ABLIM1: variants seen among roughly 807,000 people sequenced by gnomAD.
ABLIM1 encodes actin binding LIM protein 1.
Under a neutral mutation model 107.0 loss-of-function variants are expected in ABLIM1, and 40 were observed. The observed-to-expected ratio is 0.37, with a 90% CI of 0.29 to 0.49. ABLIM1 has a LOEUF of 0.49. ABLIM1 is among the 20% of genes least tolerant of loss of function. The pLI, the probability that ABLIM1 is intolerant of heterozygous loss-of-function variation, is 0.97. For missense variants in ABLIM1, 857 were observed against 1,008.5 expected (o/e 0.85, Z 2.04); for synonymous variants, 357 against 357.3 (o/e 1.00, Z 0.01).
upstream of ABLIM1, among the ~76,000 whole-genome samples, chr10:114,689,373 T>TG (rs1010826174): frequency 6.6e-6 from 1 of 150,594 alleles, no homozygotes; most frequent in African/African-American, 2.4e-5. Flanking sequence ...GGTTTTTTTT[T>TG]TTTTTTTTGA....
In ABLIM1 at chr10:114,465,762, A is replaced by G. The variant is rs537849680; in HGVS notation, c.1377T>C (p.Pro459=). The change falls in exon 12 of 23, where the codon CCT becomes CCC. Residue 459 remains proline, a synonymous_variant. Coordinates refer to ENST00000533213, the MANE Select transcript of ABLIM1 (RefSeq NM_002313.7). The stretch of plus-strand genomic sequence containing the variant: ...GAGTGTAGCTGTGGCGGCTGTACAC[A>G]GGGGAGTTGATGGAGCCCTGGCTCG... ...RSTSQGSINS[P]VYSRHSYTPT... is the part of the protein sequence containing the mutation. 5.0e-6 allele frequency: 8 copies of G among 1,614,112 alleles called. No homozygotes were observed. Among genetic ancestry groups the G allele is most frequent in the African/African-American group, 2.7e-5 (2 of 75,022 alleles).
intron 1 of ABLIM1, among the ~76,000 whole-genome samples, chr10:114,722,006 A>G (rs575080439): frequency 2.6e-5 from 4 of 152,316 alleles, no homozygotes; most frequent in African/African-American, 7.2e-5. Context: ...GTATATGTGA[A>G]TATGACATGG....
intron 1 of ABLIM1, among the ~76,000 whole-genome samples, chr10:114,718,032 A>AAGGAAGGAAG (rs753398691): frequency 2.2e-5 from 2 of 93,004 alleles, no homozygotes; most frequent in South Asian, 3.6e-4. Flanking sequence ...GGAAGGAAGG[A>AAGGAAGGAAG]GAAAGAGAAA....
intron 6 of ABLIM1, among the ~76,000 whole-genome samples, chr10:114,521,343 T>C (rs905052288): frequency 3.9e-5 from 6 of 152,256 alleles, no homozygotes; most frequent in African/African-American, 1.2e-4. Context: ...ATGAGAGTCA[T>C]ACTCAAGCCA....
intron 2 of ABLIM1, among the ~76,000 whole-genome samples, chr10:114,598,801 C>T (rs1307648542): frequency 1.3e-5 from 2 of 151,818 alleles, no homozygotes; most frequent in Non-Finnish European, 2.9e-5. Flanking sequence ...TTCAATATGG[C>T]TATCAGAATA....
At chr10:114,632,033 C>G in intron 1 of ABLIM1, 1 of 1,273,016 alleles carries the variant, frequency 7.9e-7, no homozygotes, top group Non-Finnish European at 1.0e-6. Flanking sequence ...GGAGAAGCCC[C>G]GGCATCCGCT....
chr10:114,723,564 T>C (rs1336349039), intron 1 of ABLIM1, among the ~76,000 whole-genome samples: 1 of 152,224 alleles, frequency 6.6e-6, no homozygotes. Context: ...TTGCAAAATG[T>C]CACCAACCTA....
In ABLIM1 at chr10:114,658,156, G is replaced by A; in HGVS notation, c.45C>T (p.Ser15=). 6.2e-7 allele frequency: 1 copy of A among 1,613,870 alleles called. No individual in the cohort carries two copies. The highest frequency in any genetic ancestry group is 8.5e-7 in the Non-Finnish European group (1 of 1,179,774). Reference sequence around the variant, plus strand: ...ATGAGGTGACTTTGCTTTTCTCAGAGCTGCACAATTTCCCCAGACACTTTA... The same window carrying A: ...ATGAGGTGACTTTGCTTTTCTCAGAACTGCACAATTTCCCCAGACACTTTA... The part of the protein sequence containing the change: ...LGLKCLGKLC[S]SEKSKVTSSE... Residue 15 remains serine (S), a synonymous_variant, in exon 1 of 23, where the codon AGC becomes AGT. Coordinates refer to ENST00000533213, the MANE Select transcript of ABLIM1 (RefSeq NM_002313.7).
chr10:114,583,456 CACACACACACACATAT>C (rs2073769943), intron 2 of ABLIM1, among the ~76,000 whole-genome samples: 1 of 13,542 alleles, frequency 7.4e-5, no homozygotes, highest in Non-Finnish European at 1.5e-4. Context: ...CACACACACA[CACACACACACACATAT>C]ATATATATAT....
chr10:114,613,945 G>C (rs1416630387), intron 1 of ABLIM1, among the ~76,000 whole-genome samples: 1 of 152,060 alleles, frequency 6.6e-6, no homozygotes, highest in Non-Finnish European at 1.5e-5. Context: ...GCATAACCCT[G>C]GTGGTTGATC....
chr10:114,665,129 A>G (rs1004157478), intron 1 of ABLIM1, among the ~76,000 whole-genome samples: 6 of 152,004 alleles, frequency 3.9e-5, no homozygotes, highest in Admixed American at 2.0e-4. Flanking sequence ...AAAAAAAAAA[A>G]AGTTCCAGAA....
chr10:114,630,237 A>G (rs184058086), intron 1 of ABLIM1, among the ~76,000 whole-genome samples: 1 of 152,166 alleles, frequency 6.6e-6, no homozygotes, highest in Non-Finnish European at 1.5e-5. Flanking sequence ...CTTTCCCATC[A>G]CTCATAAATT....
chr10:114,632,428 T>C, intron 1 of ABLIM1: 1 of 985,388 alleles, frequency 1.0e-6, no homozygotes, highest in Non-Finnish European at 1.2e-6. Flanking sequence ...CCTGTTACAG[T>C]CGCTTTCAAT....
At chr10:114,699,104 CAAA>C (rs11344931) in intron 1 of ABLIM1, among the ~76,000 whole-genome samples, 8 of 115,246 alleles carry the variant, frequency 6.9e-5, no homozygotes, top group African/African-American at 6.5e-5. Context: ...TTTTGCTTAG[CAAA>C]AAAAAAAAAA....
chr10:114,639,980 G>T (rs372963307), intron 1 of ABLIM1, among the ~76,000 whole-genome samples: 1 of 152,172 alleles, frequency 6.6e-6, no homozygotes, highest in East Asian at 1.9e-4. Flanking sequence ...CTCAAACCAG[G>T]ATGCTTGCTT....
intron 12 of ABLIM1, among the ~76,000 whole-genome samples, chr10:114,457,714 T>C (rs1439103222): frequency 6.6e-6 from 1 of 152,210 alleles, no homozygotes; most frequent in African/African-American, 2.4e-5. Flanking sequence ...ATTTGGAAGA[T>C]ATCATTATTT....
At chr10:114,454,594 G>A (rs542678481) in intron 12 of ABLIM1, among the ~76,000 whole-genome samples, 1 of 152,268 alleles carries the variant, frequency 6.6e-6, no homozygotes, top group Non-Finnish European at 1.5e-5. Context: ...CAAAGGGGTG[G>A]CTGCAAAAGC....
chr10:114,644,786 A>G (rs2078941306), intron 1 of ABLIM1, among the ~76,000 whole-genome samples: 1 of 152,236 alleles, frequency 6.6e-6, no homozygotes, highest in Admixed American at 6.5e-5. Flanking sequence ...CTTAAAAGAT[A>G]AAGTTAGGCC....
chr10:114,782,665 T>TTATG, the ABLIM1 span, among the ~76,000 whole-genome samples: 1 of 152,096 alleles, frequency 6.6e-6, no homozygotes, highest in East Asian at 1.9e-4. Context: ...TCTCCACATT[T>TTATG]TATGATCAAT....
Sources: allele counts gnomAD v4.1 joint callset (sites outside exome capture counted in the v4.1 genomes callset), GRCh38; gene constraint gnomAD v4.1.1; transcripts MANE v1.5; gene names NCBI Gene and HGNC (gene_info 2026-07-23, HGNC 2026-07-21).